CD101: variants seen among roughly 807,000 people sequenced by gnomAD.
CD101 encodes CD101 molecule, also known as immunoglobulin superfamily member 2.
In CD101, 76 loss-of-function variants were observed where a neutral mutation model predicts 98.2. The ratio of observed to expected loss-of-function variants is 0.77; its 90% CI spans 0.64 to 0.94. The LOEUF (loss-of-function observed/expected upper bound fraction) is 0.94. Ranked by LOEUF, CD101 falls within the 40% of genes least tolerant of loss-of-function variation. CD101 has a pLI of 0.00. For synonymous variants in CD101, 471 were observed against 472.7 expected (o/e 1.00, Z 0.05); for missense variants, 1,145 against 1,218.8 (o/e 0.94, Z 0.90).
chr1:117,004,950 G>GGCA lies in CD101; in HGVS notation c.43+3091_43+3092insCAG, dbSNP rs1164463796. ...TCTAAGATCAAGGCACTGGCAGTTTGGTGTCAGTGAGGGCCTGTTCCTCAT... is the reference window on the plus strand; with the variant it reads ...TCTAAGATCAAGGCACTGGCAGTTTGGCAGTGTCAGTGAGGGCCTGTTCCTCAT... On this transcript the variant is annotated intron_variant, in intron 1 of 9. Transcript: ENST00000682167. The surrounding 1 kb of genome is among the most constrained non-coding windows in gnomAD (Gnocchi z 4.1). 2.6e-5 allele frequency among the ~76,000 whole-genome samples: 4 copies of GGCA among 152,134 alleles called. No homozygotes were observed. The highest frequency in any genetic ancestry group is 6.5e-5 in the Admixed American group (1 of 15,278).
At chr1:117,034,968 G>A (rs1403460347) in intron 9 of CD101, among the ~76,000 whole-genome samples, 1 of 152,174 alleles carries the variant, frequency 6.6e-6, no homozygotes, top group Non-Finnish European at 1.5e-5. Flanking sequence ...GGTATTGTCT[G>A]GAGGAGCAGG....
rs991932660 is a variant in CD101, at chr1:117,012,240, T to G, written c.841+274T>G. On this transcript the variant is annotated intron_variant, in intron 3 of 9. Transcript: ENST00000682167. The surrounding 1 kb of genome is among the most constrained non-coding windows in gnomAD (Gnocchi z 4.0). ...ATGGAAGTAGTTTTGTTACCATTTT[T>G]GCCAGTCTCTGTTCACACATTATCT... 7.2e-5 allele frequency among the ~76,000 whole-genome samples: 11 copies of G among 152,348 alleles called. No individual in the cohort carries two copies. Among genetic ancestry groups the G allele is most frequent in the African/African-American group, 2.6e-4 (11 of 41,574 alleles).
Position 117,013,591 on chromosome 1 carries a change from G to T in CD101, c.1027G>T (p.Glu343Ter), listed in dbSNP as rs768191216. Residue 343 changes from glutamate (E) to a stop codon, truncating the protein, a stop_gained, in exon 4 of 10, where the codon GAG becomes TAG. Transcript: ENST00000682167. LOFTEE classifies it high-confidence loss of function. Reference protein sequence around the residue: ...GVLGLKNDYKERASQGELQVS... With the variant: ...GVLGLKNDYK The stretch of plus-strand genomic sequence containing the variant: ...CCTGGGCCTGAAGAATGACTACAAA[G>T]AGAGAGCAAGTCAAGGAGAGCTCCA... 5 of 1,614,198 alleles carry T rather than the reference G, an allele frequency of 3.1e-6. No individual in the cohort carries two copies. The South Asian group carries it at 5.5e-5, about 18-fold the overall frequency.
Position 117,001,841 on chromosome 1 carries a change from A to G in CD101, c.24A>G (p.Ala8=), listed in dbSNP as rs1306082124. The G allele has an allele frequency of 6.2e-7, 1 of 1,614,164 alleles. No individual in the cohort carries two copies. Among genetic ancestry groups the G allele is most frequent in the Non-Finnish European group, 8.5e-7 (1 of 1,180,000 alleles). MAGISYV[A]SFFLLLTKLS... ...AAATGGCAGGCATCTCATATGTGGC[A>G]TCTTTCTTTCTCCTTCTGAGTAAGT... The change falls in exon 1 of 10, where the codon GCA becomes GCG. Residue 8 remains alanine, a synonymous_variant. Coordinates refer to ENST00000682167, the MANE Select transcript of CD101 (RefSeq NM_001256106.3).
intron 8 of CD101, among the ~76,000 whole-genome samples, chr1:117,028,102 T>TAAAATAAAATA (rs112056134): frequency 9.6e-5 from 14 of 145,448 alleles, no homozygotes; most frequent in Admixed American, 4.1e-4. Context: ...AATAAATAAA[T>TAAAATAAAATA]AAATAAAATA....
In CD101 at chr1:117,005,731, C is replaced by G. The variant is rs1433786839; in HGVS notation, c.43+3871C>G. Reference sequence around the variant, plus strand: ...TACATCTAACAGTTCAGAACTCTCCCTAGTTACAAACAGACATTTACAGGA... The same window carrying G: ...TACATCTAACAGTTCAGAACTCTCCGTAGTTACAAACAGACATTTACAGGA... On this transcript the variant is annotated intron_variant, in intron 1 of 9. Coordinates refer to ENST00000682167, the MANE Select transcript of CD101 (RefSeq NM_001256106.3). The surrounding 1 kb of genome is among the most constrained non-coding windows in gnomAD (Gnocchi z 4.4). Among the ~76,000 whole-genome samples the G allele has an allele frequency of 6.6e-6, 1 of 152,152 alleles. No homozygotes were observed. The highest frequency in any genetic ancestry group is 1.5e-5 in the Non-Finnish European group (1 of 68,034).
chr1:117,002,963 C>A (rs901753049), intron 1 of CD101, among the ~76,000 whole-genome samples: 1 of 152,140 alleles, frequency 6.6e-6, no homozygotes, highest in African/African-American at 2.4e-5. Flanking sequence ...TTTAATCCTA[C>A]ATGTGGACCC....
Position 117,001,837 on chromosome 1 carries a change from T to G in CD101, c.20T>G (p.Val7Gly), listed in dbSNP as rs776296978. 2.5e-6 allele frequency: 4 copies of G among 1,614,196 alleles called. No individual in the cohort carries two copies. In the Admixed American group the frequency reaches 6.7e-5, roughly 27 times the overall value. MAGISYVASFFLLLTKL... is the reference protein window; with the variant it reads MAGISYGASFFLLLTKL... ...GCCCAAATGGCAGGCATCTCATATG[T>G]GGCATCTTTCTTTCTCCTTCTGAGT... Residue 7 changes from valine to glycine, a missense_variant, in exon 1 of 10, where the codon GTG becomes GGG. Physicochemically the swap from Val to Gly is moderately radical, Grantham distance 109 (BLOSUM62 -3). Transcript: ENST00000682167.
At chr1:117,030,700 G>T (rs1456390253) in intron 8 of CD101, among the ~76,000 whole-genome samples, 1 of 152,220 alleles carries the variant, frequency 6.6e-6, no homozygotes, top group Non-Finnish European at 1.5e-5. Flanking sequence ...TGCTGTCAGT[G>T]ATTCACTTAT....
At position 117,019,333 on chromosome 1, in the gene CD101, A is replaced by G. The variant is rs953795631; in HGVS notation, c.2017+773A>G. On this transcript the variant is annotated intron_variant, in intron 6 of 9. Transcript: ENST00000682167. This position sits in a 1 kb window ranked among gnomAD's most constrained non-coding sequence, Gnocchi z 4.3. Reference sequence around the variant, plus strand: ...ACATATATAACATGCCGAGTACCTGACACACCAAGATGACGCTCAAACGTG... The same window carrying G: ...ACATATATAACATGCCGAGTACCTGGCACACCAAGATGACGCTCAAACGTG... Among the ~76,000 whole-genome samples, 1 of 152,220 alleles carries G rather than the reference A, an allele frequency of 6.6e-6. No homozygotes were observed. The highest frequency in any genetic ancestry group is 1.5e-5 in the Non-Finnish European group (1 of 68,048).
At position 117,017,479 on chromosome 1, in the gene CD101, T is replaced by G. The variant is rs771837966; in HGVS notation, c.1612+6T>G. On this transcript the variant is annotated splice_donor_region_variant and intron_variant, in intron 5 of 9. Transcript: ENST00000682167. The stretch of plus-strand genomic sequence containing the variant: ...AGTTACTGTAAAGTCTCTGGGTAAG[T>G]GTCAAAGGAAGTCCTTTTCTGCACC... The G allele has an allele frequency of 5.6e-6, 9 of 1,599,550 alleles. No homozygotes were observed. The East Asian group carries it at 1.8e-4, about 32-fold the overall frequency.
chr1:117,018,216 T>A lies in CD101; in HGVS notation c.1673T>A (p.Phe558Tyr). The change falls in exon 6 of 10, where the codon TTT becomes TAT. Residue 558 changes from phenylalanine (F) to tyrosine (Y), a missense_variant. Transcript: ENST00000682167. The surrounding 1 kb of genome is among the most constrained non-coding windows in gnomAD (Gnocchi z 4.3). ...CCGCAAGTGATGTTAACCAACACCT[T>A]TGACCTGTCCTGTGTCGTGAGGGCC... ...RQPQVMLTNT[F>Y]DLSCVVRAGY... 6.2e-7 allele frequency: 1 copy of A among 1,614,094 alleles called. No homozygotes were observed. Among genetic ancestry groups the A allele is most frequent in the Non-Finnish European group, 8.5e-7 (1 of 1,179,966 alleles).
At chr1:117,016,205 T>A (rs908854465) in intron 4 of CD101, among the ~76,000 whole-genome samples, 1 of 147,868 alleles carries the variant, frequency 6.8e-6, no homozygotes, top group African/African-American at 2.5e-5. Context: ...TATATATTTA[T>A]TTATATATAT....
chr1:117,025,721 C>T lies in CD101; in HGVS notation c.2641C>T (p.His881Tyr). Residue 881 changes from histidine (H) to tyrosine (Y), a missense_variant, in exon 8 of 10, where the codon CAC (histidine) becomes TAC (tyrosine). His to Tyr is a moderately conservative substitution (Grantham distance 83). Transcript: ENST00000682167. ...GTATGGGGAAGAGGGGCTCAGGAGG[C>T]ACCTGCACTGTTACCGTTCATCCTC... ...LEYGEEGLRRHLHCYRSSSTD... is the reference protein window; with the variant it reads ...LEYGEEGLRRYLHCYRSSSTD... 1 of 1,614,162 alleles carries T rather than the reference C, an allele frequency of 6.2e-7. No homozygotes were observed. The highest frequency in any genetic ancestry group is 1.1e-5 in the South Asian group (1 of 91,086).
In CD101 at chr1:117,018,005, A is replaced by T; in HGVS notation, c.1613-151A>T. ...GAGGTCACAGTTCAGGACAGACTGTACTGGGAATCAATTTCTACTCTATAA... is the reference window on the plus strand; with the variant it reads ...GAGGTCACAGTTCAGGACAGACTGTTCTGGGAATCAATTTCTACTCTATAA... On this transcript the variant is annotated intron_variant, in intron 5 of 9. Transcript: ENST00000682167. This position sits in a 1 kb window ranked among gnomAD's most constrained non-coding sequence, Gnocchi z 4.3. 1.3e-6 allele frequency: 1 copy of T among 762,376 alleles called. No homozygotes were observed. Among genetic ancestry groups the T allele is most frequent in the Non-Finnish European group, 2.0e-6 (1 of 490,646 alleles). The allele number at this position is 762,376 out of a possible 1,614,324, so 47.2% of individuals were successfully genotyped here.
At position 117,006,335 on chromosome 1, in the gene CD101, A is replaced by G. The variant is rs528246766; in HGVS notation, c.44-3515A>G. 2.0e-5 allele frequency among the ~76,000 whole-genome samples: 3 copies of G among 152,200 alleles called. No individual in the cohort carries two copies. The South Asian group carries it at 6.2e-4, about 32-fold the overall frequency. ...AGCTCCTACAATTACCTGATTGTCT[A>G]TTTCTAACTTCCATCATTCTGCACA... On this transcript the variant is annotated intron_variant, in intron 1 of 9. Transcript: ENST00000682167. This position sits in a 1 kb window ranked among gnomAD's most constrained non-coding sequence, Gnocchi z 4.4.
chr1:117,005,436 C>T lies in CD101; in HGVS notation c.43+3576C>T, dbSNP rs530755080. ...TTACAAAGATCTTCATGGACATCCT[C>T]CTCATCGAGCTAACAGGAGTCTCCT... On this transcript the variant is annotated intron_variant, in intron 1 of 9. Transcript: ENST00000682167. This position sits in a 1 kb window ranked among gnomAD's most constrained non-coding sequence, Gnocchi z 4.4. Among the ~76,000 whole-genome samples the T allele has an allele frequency of 1.3e-5, 2 of 152,306 alleles. No homozygotes were observed. Among genetic ancestry groups the T allele is most frequent in the African/African-American group, 4.8e-5 (2 of 41,570 alleles).
chr1:117,026,275 T>C (rs1653920739), intron 8 of CD101: 1 of 193,042 alleles, frequency 5.2e-6, no homozygotes, highest in Admixed American at 5.4e-5. Context: ...AAAGGGAAAA[T>C]CATCAATAAA....
intron 4 of CD101, among the ~76,000 whole-genome samples, chr1:117,014,226 T>A (rs1570721392): frequency 7.3e-6 from 1 of 137,038 alleles, no homozygotes; most frequent in South Asian, 2.3e-4. Flanking sequence ...TGTGTGTGTG[T>A]GTGATATGAA....
Sources: gnomAD v4.1 joint callset for allele counts (sites outside exome capture counted in the v4.1 genomes callset) on GRCh38, gnomAD v4.1.1 for gene constraint, Gnocchi (gnomAD v3.1) non-coding constraint, MANE v1.5 for transcripts, NCBI Gene and HGNC (gene_info 2026-07-23, HGNC 2026-07-21) for gene names.